The following SLIT3 variants were observed in gnomAD, a reference collection of about 807,000 sequenced individuals.
SLIT3 encodes slit homolog 3 protein.
In SLIT3, 68 loss-of-function variants were observed where a neutral mutation model predicts 184.0. The observed-to-expected ratio is 0.37, with a 90% CI of 0.30 to 0.45. SLIT3 has a LOEUF of 0.45. Among genes scored for constraint, SLIT3 ranks in the 20% least tolerant of loss-of-function variants. SLIT3 has a pLI of 1.00. For synonymous variants in SLIT3, 831 were observed against 828.6 expected (o/e 1.00, Z -0.05); for missense variants, 1,707 against 2,026.0 (o/e 0.84, Z 3.02).
intron 4 of SLIT3, among the ~76,000 whole-genome samples, chr5:169,080,331 G>A (rs939895999): frequency 1.3e-5 from 2 of 152,208 alleles, no homozygotes; most frequent in Admixed American, 6.5e-5. Flanking sequence ...CATTTAGCAG[G>A]TATTGAGCCT....
chr5:168,809,908 G>T (rs1336860231), intron 8 of SLIT3, among the ~76,000 whole-genome samples: 1 of 152,202 alleles, frequency 6.6e-6, no homozygotes, highest in African/African-American at 2.4e-5. Context: ...TGTAGAATGG[G>T]GAGGTGGAGT....
chr5:169,102,496 A>G (rs1187988798), intron 4 of SLIT3, among the ~76,000 whole-genome samples: 1 of 152,206 alleles, frequency 6.6e-6, no homozygotes, highest in Non-Finnish European at 1.5e-5. Context: ...TCTCTAGATT[A>G]CTTATAATAC....
intron 4 of SLIT3, among the ~76,000 whole-genome samples, chr5:168,899,359 T>TA (rs1243986684): frequency 4.6e-5 from 7 of 151,714 alleles, no homozygotes; most frequent in African/African-American, 1.7e-4. Context: ...CTACGAAAAA[T>TA]AAAAAATAGC....
At chr5:168,703,032 T>A (rs1414525948) in intron 26 of SLIT3, among the ~76,000 whole-genome samples, 3 of 152,184 alleles carry the variant, frequency 2.0e-5, no homozygotes, top group Non-Finnish European at 4.4e-5. Flanking sequence ...AGGCAGAGCC[T>A]AGCGCTTGAT....
At chr5:169,042,748 A>G (rs1252186471) in intron 4 of SLIT3, among the ~76,000 whole-genome samples, 2 of 152,260 alleles carry the variant, frequency 1.3e-5, no homozygotes, top group South Asian at 2.1e-4. Flanking sequence ...CGAGAATCAA[A>G]CTGTTTTTTA....
chr5:169,032,631 A>T (rs1757073502), intron 4 of SLIT3, among the ~76,000 whole-genome samples: 1 of 149,524 alleles, frequency 6.7e-6, no homozygotes, highest in African/African-American at 2.5e-5. Context: ...AGAATACTAC[A>T]TGTGAAGTCA....
intron 3 of SLIT3, among the ~76,000 whole-genome samples, chr5:169,227,265 T>G (rs1336827457): frequency 1.3e-5 from 2 of 152,226 alleles, no homozygotes; most frequent in African/African-American, 4.8e-5. Context: ...ATTACGCCAC[T>G]TAAATCTGAT....
At chr5:168,968,967 C>T (rs773136982) in intron 4 of SLIT3, among the ~76,000 whole-genome samples, 2 of 152,144 alleles carry the variant, frequency 1.3e-5, no homozygotes, top group African/African-American at 2.4e-5. Flanking sequence ...ACGAATAGGG[C>T]AAAGCCTATT....
At chr5:169,021,777 T>C (rs1046166305) in intron 4 of SLIT3, among the ~76,000 whole-genome samples, 4 of 152,340 alleles carry the variant, frequency 2.6e-5, no homozygotes, top group Non-Finnish European at 4.4e-5. Context: ...CAGGATAGCA[T>C]AGAGAATAAA....
chr5:169,279,935 A>G (rs1330365440), intron 1 of SLIT3, among the ~76,000 whole-genome samples: 1 of 152,270 alleles, frequency 6.6e-6, no homozygotes, highest in Non-Finnish European at 1.5e-5. Flanking sequence ...ACTTATTAGC[A>G]GTCACCACGC....
chr5:168,804,310 C>CAAAAAAAAAAAAAA (rs770650322), intron 9 of SLIT3, among the ~76,000 whole-genome samples: 8 of 52,356 alleles, frequency 1.5e-4, no homozygotes, highest in South Asian at 1.2e-3. Context: ...AACTCTTTCT[C>CAAAAAAAAAAAAAA]AAAAAAAAAA....
At chr5:168,997,508 C>T (rs1755556027) in intron 4 of SLIT3, among the ~76,000 whole-genome samples, 1 of 152,062 alleles carries the variant, frequency 6.6e-6, no homozygotes, top group Non-Finnish European at 1.5e-5. Context: ...ATGCGTGGGG[C>T]CCAAGGATTT....
At chr5:168,709,150 G>C (rs1481543731) in intron 25 of SLIT3, among the ~76,000 whole-genome samples, 1 of 150,922 alleles carries the variant, frequency 6.6e-6, no homozygotes, top group Non-Finnish European at 1.5e-5. Flanking sequence ...CCAGGCTGGA[G>C]TGTGGTGGTG....
chr5:168,768,976 C>A (rs902434010), intron 14 of SLIT3, among the ~76,000 whole-genome samples: 14 of 152,116 alleles, frequency 9.2e-5, no homozygotes, highest in Admixed American at 2.6e-4. Context: ...GAGGAACCTG[C>A]AATCATAGTT....
chr5:168,881,129 T>A (rs768892838), intron 5 of SLIT3, among the ~76,000 whole-genome samples: 2 of 152,194 alleles, frequency 1.3e-5, no homozygotes, highest in African/African-American at 2.4e-5. Flanking sequence ...CAGCTGCTAG[T>A]AGTGAGTATA....
At chr5:168,667,406 C>CAGGGGCCAGGG (rs1561864124) in intron 35 of SLIT3, among the ~76,000 whole-genome samples, 2 of 150,162 alleles carry the variant, frequency 1.3e-5, no homozygotes, top group Non-Finnish European at 3.0e-5. Context: ...TGACCTGGCC[C>CAGGGGCCAGGG]AGGGGCCAGG....
intron 4 of SLIT3, among the ~76,000 whole-genome samples, chr5:168,906,224 G>T (rs1012837221): frequency 6.6e-6 from 1 of 152,180 alleles, no homozygotes; most frequent in Non-Finnish European, 1.5e-5. Flanking sequence ...ATACAGTAAG[G>T]ATTAAAACTG....
intron 4 of SLIT3, among the ~76,000 whole-genome samples, chr5:168,919,673 T>C (rs1761573292): frequency 6.6e-6 from 1 of 152,164 alleles, no homozygotes; most frequent in Non-Finnish European, 1.5e-5. Flanking sequence ...ATTAACTTTA[T>C]AATTATTATA....
At chr5:169,018,176 C>T (rs943835383) in intron 4 of SLIT3, among the ~76,000 whole-genome samples, 6 of 152,306 alleles carry the variant, frequency 3.9e-5, no homozygotes, top group African/African-American at 1.4e-4. Flanking sequence ...AGGCAGATCC[C>T]TGGGACGGGG....
Sources: gnomAD v4.1 joint callset for allele counts (sites outside exome capture counted in the v4.1 genomes callset) on GRCh38, gnomAD v4.1.1 for gene constraint, MANE v1.5 for transcripts, NCBI Gene and HGNC (gene_info 2026-07-23, HGNC 2026-07-21) for gene names.